CEP83: variants seen among roughly 807,000 people sequenced by gnomAD.
The protein encoded by CEP83 is centrosomal protein of 83 kDa.
Under a neutral mutation model 101.9 loss-of-function variants are expected in CEP83, and 70 were observed. The ratio of observed to expected loss-of-function variants is 0.69; its 90% CI spans 0.57 to 0.84. The LOEUF is 0.84. Ranked by LOEUF, CEP83 falls within the 40% of genes least tolerant of loss-of-function variation. The pLI is 0.00. For synonymous variants in CEP83, 264 were observed against 267.9 expected (o/e 0.99, Z 0.14); for missense variants, 715 against 787.2 (o/e 0.91, Z 1.10).
chr12:94,341,419 T>A (rs2059682687), intron 11 of CEP83, among the ~76,000 whole-genome samples: 1 of 152,212 alleles, frequency 6.6e-6, no homozygotes, highest in Non-Finnish European at 1.5e-5. Flanking sequence ...TGTCACGGGT[T>A]ATCTAAATAG....
chr12:94,309,999 T>G lies in CEP83; in HGVS notation c.1920A>C (p.Pro640=). 6.2e-7 allele frequency: 1 copy of G among 1,613,048 alleles called. No individual in the cohort carries two copies. ...RSLILVPNMP[P]TASINPVSFQ... is the part of the protein sequence containing the mutation. ...AGCTAACAGGATTGATAGATGCTGT[T>G]GGAGGCATGTTAGGAACCAAAATTA... Residue 640 remains proline, a synonymous_variant, in exon 16 of 17, where the codon CCA becomes CCC. Transcript: ENST00000397809.
intron 8 of CEP83, among the ~76,000 whole-genome samples, chr12:94,374,500 C>G (rs1053724202): frequency 6.6e-6 from 1 of 152,168 alleles, no homozygotes; most frequent in African/African-American, 2.4e-5. Flanking sequence ...TGTTTTGTAT[C>G]TATTTTTTTG....
At chr12:94,314,817 C>T (rs972695800) in intron 14 of CEP83, among the ~76,000 whole-genome samples, 1 of 152,194 alleles carries the variant, frequency 6.6e-6, no homozygotes, top group Non-Finnish European at 1.5e-5. Flanking sequence ...TTAAGGAGTC[C>T]ATCTGTCTAT....
chr12:94,435,044 C>G lies in CEP83; in HGVS notation c.-102+231G>C, dbSNP rs535560910. 1.9e-3 allele frequency among the ~76,000 whole-genome samples: 294 copies of G among 152,270 alleles called. 1 individual carries two copies. Among genetic ancestry groups the G allele is most frequent in the African/African-American group, 6.7e-3 (277 of 41,544 alleles). ...CTTCCTTATTCTCTGGTCCCTTATT[C>G]CCATCTTGTAAGAAAAGTCAAGCTG... On this transcript the variant is annotated intron_variant, in intron 2 of 16. Transcript: ENST00000397809.
chr12:94,376,686 TATATACACACACAC>T (rs2061553963), intron 7 of CEP83, among the ~76,000 whole-genome samples: 1 of 87,726 alleles, frequency 1.1e-5, no homozygotes, highest in South Asian at 3.7e-4. Context: ...TATATATACA[TATATACACACACAC>T]ACACACACAC....
At chr12:94,450,945 A>C (rs2067206286) in intron 1 of CEP83, among the ~76,000 whole-genome samples, 1 of 152,222 alleles carries the variant, frequency 6.6e-6, no homozygotes, top group East Asian at 1.9e-4. Flanking sequence ...AACTTACTAT[A>C]AAACTGCAGT....
intron 6 of CEP83, among the ~76,000 whole-genome samples, chr12:94,388,273 T>C (rs1484230111): frequency 1.3e-5 from 2 of 152,222 alleles, no homozygotes; most frequent in African/African-American, 2.4e-5. Flanking sequence ...TCTTGTCCTT[T>C]GCAGCAACAC....
intron 2 of CEP83, among the ~76,000 whole-genome samples, chr12:94,413,907 T>C (rs1467994032): frequency 6.6e-6 from 1 of 151,642 alleles, no homozygotes; most frequent in East Asian, 1.9e-4. Context: ...TCCTTAGCCA[T>C]GGGTTATTAC....
At chr12:94,323,167 C>G (rs2058821601) in intron 14 of CEP83, among the ~76,000 whole-genome samples, 1 of 152,164 alleles carries the variant, frequency 6.6e-6, no homozygotes, top group Non-Finnish European at 1.5e-5. Flanking sequence ...TGTCACTGCT[C>G]TATCCCCTGT....
intron 14 of CEP83, among the ~76,000 whole-genome samples, chr12:94,327,057 GAA>G (rs1475771505): frequency 1.3e-5 from 2 of 152,208 alleles, no homozygotes; most frequent in Non-Finnish European, 2.9e-5. Context: ...TAAGTGACTG[GAA>G]GAATAACTTC....
At chr12:94,415,506 T>C (rs2064198916) in intron 2 of CEP83, among the ~76,000 whole-genome samples, 1 of 152,134 alleles carries the variant, frequency 6.6e-6, no homozygotes, top group African/African-American at 2.4e-5. Context: ...TAAAATTTGA[T>C]CTTCTCTTTT....
Position 94,412,564 on chromosome 12 carries a change from G to A in CEP83, c.-74C>T. ...GTATTTCCCACTCCTTTCTTGCTAAGGCAGAATCTCAGGAAGCCAAATTAT... is the reference window on the plus strand; with the variant it reads ...GTATTTCCCACTCCTTTCTTGCTAAAGCAGAATCTCAGGAAGCCAAATTAT... On this transcript the variant is annotated 5_prime_UTR_variant, in exon 3 of 17. Transcript: ENST00000397809. 1 of 1,420,636 alleles carries A rather than the reference G, an allele frequency of 7.0e-7. No individual in the cohort carries two copies. The highest frequency in any genetic ancestry group is 9.7e-7 in the Non-Finnish European group (1 of 1,031,640). The allele number at this position is 1,420,636 out of a possible 1,614,324, so 88.0% of individuals were successfully genotyped here. A position where few individuals can be genotyped will look rare whatever the true frequency, so the allele number is the denominator to read the frequency against.
chr12:94,391,262 A>C (rs2062512497), intron 6 of CEP83, among the ~76,000 whole-genome samples: 1 of 152,192 alleles, frequency 6.6e-6, no homozygotes, highest in Non-Finnish European at 1.5e-5. Context: ...AAGCCCATCA[A>C]ACTAACAGCG....
the CEP83 span, chr12:94,298,656 A>G: frequency 2.5e-6 from 4 of 1,600,496 alleles, no homozygotes; most frequent in Non-Finnish European, 3.4e-6. Flanking sequence ...TGTGCTTGAA[A>G]AACTTTTTAG....
intron 11 of CEP83, among the ~76,000 whole-genome samples, chr12:94,336,642 T>C (rs952453754): frequency 2.2e-4 from 34 of 152,322 alleles, no homozygotes; most frequent in African/African-American, 7.9e-4. Context: ...GACCCATTGC[T>C]TCCTGAGACG....
chr12:94,423,833 A>G, intron 2 of CEP83: 17 of 1,613,452 alleles, frequency 1.1e-5, no homozygotes, highest in Non-Finnish European at 1.4e-5. Flanking sequence ...TCCTCGACTG[A>G]AACACTGGAA....
At chr12:94,338,476 T>A (rs975028055) in intron 11 of CEP83, among the ~76,000 whole-genome samples, 4 of 152,152 alleles carry the variant, frequency 2.6e-5, no homozygotes, top group African/African-American at 9.7e-5. Flanking sequence ...CTTGGTCTCT[T>A]GTTGCAGGAG....
intron 6 of CEP83, among the ~76,000 whole-genome samples, chr12:94,396,145 A>G (rs1027783425): frequency 3.3e-5 from 5 of 152,140 alleles, no homozygotes; most frequent in African/African-American, 7.2e-5. Context: ...TACTATTTCC[A>G]GAAAATATGA....
At chr12:94,278,609 T>G in the CEP83 span, among the ~76,000 whole-genome samples, 4 of 152,206 alleles carry the variant, frequency 2.6e-5, no homozygotes, top group African/African-American at 9.7e-5. Context: ...GGGATCTCAG[T>G]GCTTTAATGA....
Sources: allele counts gnomAD v4.1 joint callset (sites outside exome capture counted in the v4.1 genomes callset), GRCh38; gene constraint gnomAD v4.1.1; transcripts MANE v1.5; gene names NCBI Gene and HGNC (gene_info 2026-07-23, HGNC 2026-07-21).